MIXL1: variants seen among roughly 807,000 people sequenced by gnomAD.
The protein encoded by MIXL1 is Mix paired-like homeobox.
MIXL1 carries 9 observed loss-of-function variants against 9.3 expected under a neutral mutation model. The ratio of observed to expected loss-of-function variants is 0.97; its 90% CI spans 0.58 to 1.69. The LOEUF is 1.69. Among genes scored for constraint, MIXL1 ranks in the 40% most tolerant of loss-of-function variants. The pLI is 0.00. For synonymous variants in MIXL1, 164 were observed against 155.6 expected, an observed-to-expected ratio of 1.05 and a Z score of -0.40; for missense variants, 330 against 331.7, an observed-to-expected ratio of 0.99 and a Z score of 0.04.
chr1:226,226,075 T>TC lies in MIXL1; in HGVS notation c.*266dup, dbSNP rs1202532520. On this transcript the variant is annotated 3_prime_UTR_variant, in exon 2 of 2. Coordinates refer to ENST00000366810, the MANE Select transcript of MIXL1 (RefSeq NM_031944.3). ...AGCCTGCACATTCCATTGGTCTGCA[T>TC]CCCTATGCCTTCTTGCCAGGCCTGT... 1 of 370,026 alleles carries TC rather than the reference T, an allele frequency of 2.7e-6. No individual in the cohort carries two copies. The highest frequency in any genetic ancestry group is 4.9e-6 in the Non-Finnish European group (1 of 204,276). The allele number at this position is 370,026 out of a possible 1,614,324, so 22.9% of individuals were successfully genotyped here. A position where few individuals can be genotyped will look rare whatever the true frequency, so the allele number is the denominator to read the frequency against.
intron 1 of MIXL1, 146 bp from the exon 2 acceptor site, chr1:226,225,361 C>T (rs1277918421): frequency 1.2e-6 from 1 of 822,796 alleles, no homozygotes; most frequent in Non-Finnish European, 1.9e-6. Context: ...AACTTCTAAT[C>T]GTCAACCCAA....
intron 1 of MIXL1, 88 bp downstream of exon 1, chr1:226,224,162 C>G (rs1455665828): frequency 2.5e-6 from 3 of 1,183,310 alleles, no homozygotes; most frequent in East Asian, 6.4e-5. Context: ...AGGCCACACC[C>G]GGGACGTTGC....
At position 226,225,730 on chromosome 1, in the gene MIXL1, C is replaced by A. The variant is rs1167445520; in HGVS notation, c.617C>A (p.Thr206Asn). 2 of 1,613,986 alleles carry A rather than the reference C, an allele frequency of 1.2e-6. No homozygotes were observed. The highest frequency in any genetic ancestry group is 2.7e-5 in the African/African-American group (2 of 74,922). ...AGCTCCCAAGGTCAGAATTTTGAAA[C>A]CTGTTCCCCTCTCTCTGAAGACATT... ...DSSSQGQNFE[T>N]CSPLSEDIGS... is the part of the protein sequence containing the mutation. The change falls in exon 2 of 2, where the codon ACC (threonine) becomes AAC (asparagine). Residue 206 changes from threonine (T) to asparagine (N), a missense_variant. Transcript: ENST00000366810.
In MIXL1 at chr1:226,224,027, C is replaced by A. The variant is rs770371965; in HGVS notation, c.346C>A (p.Arg116Ser). The change falls in exon 1 of 2, where the codon CGC becomes AGC. Residue 116 changes from arginine (R) to serine (S), a missense_variant. Transcript: ENST00000366810. ...GACCCGGTACCCCGACATCCACTTG[C>A]GCGAGCGCCTGGCCGCGCTCACCCT... ...RRTRYPDIHL[R>S]ERLAALTLLP... is the part of the protein sequence containing the mutation. 1.4e-6 allele frequency: 2 copies of A among 1,417,388 alleles called. No individual in the cohort carries two copies. The highest frequency in any genetic ancestry group is 9.3e-7 in the Non-Finnish European group (1 of 1,072,882). The allele number at this position is 1,417,388 out of a possible 1,614,324, so 87.8% of individuals were successfully genotyped here.
chr1:226,225,507 G>GT lies in MIXL1; in HGVS notation c.395dup (p.Trp133MetfsTer22), dbSNP rs770242562. 1.2e-6 allele frequency: 2 copies of GT among 1,613,548 alleles called. No individual in the cohort carries two copies. The highest frequency in any genetic ancestry group is 2.2e-5 in the South Asian group (2 of 90,978). On this transcript the variant is annotated frameshift_variant and splice_region_variant, in exon 2 of 2. Coordinates refer to ENST00000366810, the MANE Select transcript of MIXL1 (RefSeq NM_031944.3). LOFTEE classifies it low-confidence loss of function (END_TRUNC). Reference sequence around the variant, plus strand: ...GCTTTTATTTTCTCCCCTCTTCCAGGTATGGTTCCAGAACAGGCGTGCCAA... The same window carrying GT: ...GCTTTTATTTTCTCCCCTCTTCCAGGTTATGGTTCCAGAACAGGCGTGCCAA...
rs947128861 is a variant in MIXL1 at position 226,225,565 on chromosome 1, C to T, written c.452C>T (p.Pro151Leu). ...SRRQSGKSFQ[P>L]LARPEIILNH... is the part of the protein sequence containing the mutation. ...CGTCAGAGTGGGAAATCCTTCCAAC[C>T]TTTGGCTAGGCCGGAGATTATCCTC... The change falls in exon 2 of 2, where the codon CCT (proline) becomes CTT (leucine). Residue 151 changes from proline (P) to leucine (L), a missense_variant. Transcript: ENST00000366810. 4 of 1,614,088 alleles carry T rather than the reference C, an allele frequency of 2.5e-6. No individual in the cohort carries two copies. In the African/African-American group the frequency reaches 5.3e-5, roughly 22 times the overall value.
chr1:226,224,456 C>T (rs1174925055), intron 1 of MIXL1, among the ~76,000 whole-genome samples: 1 of 152,096 alleles, frequency 6.6e-6, no homozygotes, highest in African/African-American at 2.4e-5. Flanking sequence ...TGGCTTTGAG[C>T]GTGAGAATGG....
chr1:226,225,572 T>G lies in MIXL1; in HGVS notation c.459T>G (p.Ala153=). The G allele has an allele frequency of 6.2e-7, 1 of 1,614,238 alleles. No individual in the cohort carries two copies. The highest frequency in any genetic ancestry group is 8.5e-7 in the Non-Finnish European group (1 of 1,180,048). The change falls in exon 2 of 2, where the codon GCT becomes GCG. Residue 153 remains alanine, a synonymous_variant. Coordinates refer to ENST00000366810, the MANE Select transcript of MIXL1 (RefSeq NM_031944.3). The part of the protein sequence containing the change: ...RQSGKSFQPL[A]RPEIILNHCA... ...GTGGGAAATCCTTCCAACCTTTGGC[T>G]AGGCCGGAGATTATCCTCAACCACT...
intron 1 of MIXL1, 107 bp from the exon 2 acceptor site, chr1:226,225,400 G>A: frequency 1.5e-6 from 2 of 1,291,466 alleles, no homozygotes; most frequent in Non-Finnish European, 2.1e-6. Context: ...GCTCTGGAGA[G>A]GAAGCCAGGG....
rs758698731 is a variant in MIXL1 at position 226,223,689 on chromosome 1, C to T, written c.8C>T (p.Thr3Ile). The T allele has an allele frequency of 5.5e-6, 8 of 1,451,268 alleles. No homozygotes were observed. In the South Asian group the frequency reaches 7.0e-5, roughly 13 times the overall value. 89.9% of individuals were successfully genotyped at this position (1,451,268 alleles called of 1,614,324 possible). A position where few individuals can be genotyped will look rare whatever the true frequency, so the allele number is the denominator to read the frequency against. MATAESRALQFAE... is the reference protein window; with the variant it reads MAIAESRALQFAE... ...GCGCTGGGTTCCGGAGCGATGGCCA[C>T]AGCCGAGTCCCGTGCGCTCCAGTTT... The change falls in exon 1 of 2, where the codon ACA (threonine) becomes ATA (isoleucine). Residue 3 changes from threonine (T) to isoleucine (I), a missense_variant. Coordinates refer to ENST00000366810, the MANE Select transcript of MIXL1 (RefSeq NM_031944.3).
intron 1 of MIXL1, among the ~76,000 whole-genome samples, chr1:226,225,059 C>T (rs1178688356): frequency 6.6e-6 from 1 of 152,198 alleles, no homozygotes; most frequent in Non-Finnish European, 1.5e-5. Context: ...CTCATTTAAA[C>T]ACTGGGAGAG....
chr1:226,224,584 AC>A (rs1337547530), intron 1 of MIXL1, among the ~76,000 whole-genome samples: 1 of 152,190 alleles, frequency 6.6e-6, no homozygotes, highest in Non-Finnish European at 1.5e-5. Flanking sequence ...AGCGAGAAGC[AC>A]CTGGAGCTTG....
In MIXL1 at chr1:226,223,950, G is replaced by C; in HGVS notation, c.269G>C (p.Arg90Pro). The C allele has an allele frequency of 7.0e-7, 1 of 1,437,764 alleles. No individual in the cohort carries two copies. Among genetic ancestry groups the C allele is most frequent in the Non-Finnish European group, 9.2e-7 (1 of 1,085,218 alleles). 89.1% of individuals were successfully genotyped at this position (1,437,764 alleles called of 1,614,324 possible). ...AAPSASQRRK[R>P]TSFSAEQLQL... is the part of the protein sequence containing the mutation. ...CCGTCGGCGTCGCAGCGCCGCAAGCGCACGTCTTTCAGCGCCGAACAGCTG... is the reference window on the plus strand; with the variant it reads ...CCGTCGGCGTCGCAGCGCCGCAAGCCCACGTCTTTCAGCGCCGAACAGCTG... The change falls in exon 1 of 2, where the codon CGC (arginine) becomes CCC (proline). Residue 90 changes from arginine to proline, a missense_variant. Physicochemically the swap from Arg to Pro is moderately radical, Grantham distance 103 (BLOSUM62 -2). Coordinates refer to ENST00000366810, the MANE Select transcript of MIXL1 (RefSeq NM_031944.3).
Position 226,224,056 on chromosome 1 carries a change from C to G in MIXL1, c.375C>G (p.Leu125=). 1 of 1,360,298 alleles carries G rather than the reference C, an allele frequency of 7.4e-7. No homozygotes were observed. The highest frequency in any genetic ancestry group is 2.8e-5 in the East Asian group (1 of 35,890). 84.3% of individuals were successfully genotyped at this position (1,360,298 alleles called of 1,614,324 possible). The change falls in exon 1 of 2, where the codon CTC becomes CTG. Residue 125 remains leucine, a synonymous_variant. Transcript: ENST00000366810. ...LRERLAALTL[L]PESRIQVWFQ... is the part of the protein sequence containing the mutation. The stretch of plus-strand genomic sequence containing the variant: ...AGCGCCTGGCCGCGCTCACCCTGCT[C>G]CCCGAGTCCAGGATCCAGGTGAGGG...
chr1:226,225,475 A>C, intron 1 of MIXL1, 32 bp from the exon 2 acceptor site: 1 of 1,605,562 alleles, frequency 6.2e-7, no homozygotes, highest in Non-Finnish European at 8.5e-7. Context: ...AACTCCAACC[A>C]AAAGCAGCTT....
In MIXL1 at chr1:226,223,710, A is replaced by G; in HGVS notation, c.29A>G (p.Gln10Arg). The change falls in exon 1 of 2, where the codon CAG becomes CGG. Residue 10 changes from glutamine to arginine, a missense_variant. Gln to Arg is a conservative substitution (Grantham distance 43). Transcript: ENST00000366810. Reference sequence around the variant, plus strand: ...GCCACAGCCGAGTCCCGTGCGCTCCAGTTTGCCGAGGGCGCCGCGTTTCCA... The same window carrying G: ...GCCACAGCCGAGTCCCGTGCGCTCCGGTTTGCCGAGGGCGCCGCGTTTCCA... The part of the protein sequence containing the change: MATAESRAL[Q>R]FAEGAAFPAY... 6.8e-7 allele frequency: 1 copy of G among 1,469,406 alleles called. No homozygotes were observed. The highest frequency in any genetic ancestry group is 8.9e-7 in the Non-Finnish European group (1 of 1,118,010). 91.0% of individuals were successfully genotyped at this position (1,469,406 alleles called of 1,614,324 possible). A position where few individuals can be genotyped will look rare whatever the true frequency, so the allele number is the denominator to read the frequency against.
chr1:226,224,150 T>TG, intron 1 of MIXL1, 76 bp downstream of exon 1: 1 of 1,214,010 alleles, frequency 8.2e-7, no homozygotes, highest in Non-Finnish European at 1.0e-6. Context: ...TGCGGGCTCC[T>TG]GAGGCCACAC....
At chr1:226,225,366 ACCC>A in intron 1 of MIXL1, 138 bp from the exon 2 acceptor site, 1 of 877,306 alleles carries the variant, frequency 1.1e-6, no homozygotes, top group Non-Finnish European at 1.7e-6. Context: ...CTAATCGTCA[ACCC>A]AAGTGCTTTC....
At chr1:226,224,742 T>G (rs577759331) in intron 1 of MIXL1, among the ~76,000 whole-genome samples, 2 of 152,230 alleles carry the variant, frequency 1.3e-5, no homozygotes, top group Non-Finnish European at 1.5e-5. Flanking sequence ...CAGGTTCAAG[T>G]GATTCTCCTG....
Sources: allele counts gnomAD v4.1 joint callset (sites outside exome capture counted in the v4.1 genomes callset), GRCh38; gene constraint gnomAD v4.1.1; transcripts MANE v1.5; gene names NCBI Gene and HGNC (gene_info 2026-07-23, HGNC 2026-07-21).